Variants in BRD1 observed in about 807,000 individuals in gnomAD.
BRD1 encodes bromodomain-containing protein 1.
Under a neutral mutation model 107.7 loss-of-function variants are expected in BRD1, and 24 were observed. The observed-to-expected ratio is 0.22, with a 90% CI of 0.16 to 0.31. The LOEUF is 0.31. Among genes scored for constraint, BRD1 ranks in the 10% least tolerant of loss-of-function variants. BRD1 has a pLI of 1.00. For missense variants in BRD1, 1,279 were observed against 1,638.6 expected (o/e 0.78, Z 3.79); for synonymous variants, 744 against 686.1 (o/e 1.08, Z -1.32).
At chr22:49,821,012 T>C (rs960392299) in intron 2 of BRD1, 6 of 152,258 alleles carry the variant, frequency 3.9e-5, no homozygotes, top group African/African-American at 1.4e-4. Context: ...ATTCCCAAGT[T>C]AGGAAAAGAA....
At chr22:49,800,064 G>A (rs190132044) in intron 3 of BRD1, among the ~76,000 whole-genome samples, 35 of 152,292 alleles carry the variant, frequency 2.3e-4, no homozygotes, top group Non-Finnish European at 4.0e-4. Context: ...TCTGGCACAT[G>A]CTTCACAGCC....
In BRD1 at chr22:49,792,177, TA is replaced by T. The variant is rs138847; in HGVS notation, c.2359+1856del. Among the ~76,000 whole-genome samples the T allele has an allele frequency of 0.38, 55,964 of 146,006 alleles. 14,501 individuals carry two copies. The highest frequency in any genetic ancestry group is 0.75 in the African/African-American group (30,501 of 40,814). On this transcript the variant is annotated intron_variant, in intron 7 of 12. Coordinates refer to ENST00000404760, the MANE Select transcript of BRD1 (RefSeq NM_001304808.3). This position sits in a 1 kb window ranked among gnomAD's most constrained non-coding sequence, Gnocchi z 4.2. ...CAATGGCAATGGAGGAAGCCACTGA[TA>T]AAAAAAAAAAGCTAAAAAGGTAACT... is the stretch of plus-strand genomic sequence containing the variant.
At chr22:49,788,855 AT>A (rs1465198052) in intron 7 of BRD1, among the ~76,000 whole-genome samples, 1 of 152,220 alleles carries the variant, frequency 6.6e-6, no homozygotes, top group Non-Finnish European at 1.5e-5. Flanking sequence ...CTTAGTATAT[AT>A]TATCACTGGG....
chr22:49,793,959 G>A lies in BRD1; in HGVS notation c.2359+75C>T, dbSNP rs1249793704. The A allele has an allele frequency of 2.6e-6, 4 of 1,533,358 alleles. No homozygotes were observed. In the Admixed American group the frequency reaches 5.8e-5, roughly 22 times the overall value. The allele number at this position is 1,533,358 out of a possible 1,614,324, so 95.0% of individuals were successfully genotyped here. On this transcript the variant is annotated intron_variant, in intron 7 of 12. Transcript: ENST00000404760. The stretch of plus-strand genomic sequence containing the variant: ...CACACCAACGCTGCTGCCCGTGTCT[G>A]GGTCTGTGCCTGTGCCTGTGCCTGA...
intron 12 of BRD1, among the ~76,000 whole-genome samples, chr22:49,774,818 A>G (rs1327235090): frequency 6.6e-6 from 1 of 152,262 alleles, no homozygotes; most frequent in East Asian, 1.9e-4. Context: ...CCTGACAAGA[A>G]GCAGTGGCCA....
intron 2 of BRD1, among the ~76,000 whole-genome samples, chr22:49,820,148 A>T (rs2060037839): frequency 6.6e-6 from 1 of 152,222 alleles, no homozygotes; most frequent in Admixed American, 6.5e-5. Context: ...GGGGGGAAAA[A>T]AAAGAACTAT....
At chr22:49,826,771 G>A (rs568514933) in intron 1 of BRD1, among the ~76,000 whole-genome samples, 1 of 152,332 alleles carries the variant, frequency 6.6e-6, no homozygotes, top group East Asian at 1.9e-4. Context: ...CTCAAAAACA[G>A]ACACGGGCGG....
Position 49,785,725 on chromosome 22 carries a change from G to C in BRD1, c.2857+1665C>G, listed in dbSNP as rs1297522875. 2.6e-5 allele frequency among the ~76,000 whole-genome samples: 4 copies of C among 152,202 alleles called. No homozygotes were observed. In the East Asian group the frequency reaches 7.7e-4, roughly 29 times the overall value. On this transcript the variant is annotated intron_variant, in intron 8 of 12. Transcript: ENST00000404760. Reference sequence around the variant, plus strand: ...TTAACATCAATCCATCAAAGTAAAAGGACATGGGTAGAAAATTTCTACACA... The same window carrying C: ...TTAACATCAATCCATCAAAGTAAAACGACATGGGTAGAAAATTTCTACACA...
intron 3 of BRD1, among the ~76,000 whole-genome samples, 178 bp from the exon 4 acceptor site, chr22:49,799,297 G>C (rs1569113570): frequency 7.1e-6 from 1 of 140,562 alleles, no homozygotes; most frequent in Admixed American, 7.1e-5. Flanking sequence ...GGGACAGAGG[G>C]GACAGAGGAG....
At position 49,823,319 on chromosome 22, in the gene BRD1, C is replaced by T. The variant is rs1391461485; in HGVS notation, c.999G>A (p.Lys333=). 3 of 1,614,086 alleles carry T rather than the reference C, an allele frequency of 1.9e-6. No homozygotes were observed. The highest frequency in any genetic ancestry group is 1.3e-5 in the African/African-American group (1 of 74,950). ...WKLTCYLCKQ[K]GVGACIQCHK... ...GGCACTGGATGCAGGCACCCACGCC[C>T]TTCTGCTTACAGAGGTAGCATGTCA... The change falls in exon 2 of 13, where the codon AAG becomes AAA. Residue 333 remains lysine, a synonymous_variant. Coordinates refer to ENST00000404760, the MANE Select transcript of BRD1 (RefSeq NM_001304808.3).
At chr22:49,812,596 G>A (rs143376945) in intron 2 of BRD1, among the ~76,000 whole-genome samples, 1 of 152,260 alleles carries the variant, frequency 6.6e-6, no homozygotes, top group Non-Finnish European at 1.5e-5. Flanking sequence ...GTCTTACATG[G>A]GCAGCAAACT....
rs748566281 is a variant in BRD1 at position 49,797,983 on chromosome 22, C to T, written c.1920G>A (p.Lys640=). Residue 640 remains lysine (K), a synonymous_variant, in exon 6 of 13, where the codon AAG becomes AAA. Transcript: ENST00000404760. The stretch of plus-strand genomic sequence containing the variant: ...AGAACACGGTGTCCCTGGCATTGTA[C>T]TTCATGCAGTTATCTATAATGAGAT... ...DFDLIIDNCM[K]YNARDTVFYR... 1.9e-6 allele frequency: 3 copies of T among 1,614,236 alleles called. No homozygotes were observed. Among genetic ancestry groups the T allele is most frequent in the East Asian group, 2.2e-5 (1 of 44,894 alleles).
Position 49,787,574 on chromosome 22 carries a change from T to C in BRD1, c.2673A>G (p.Val891=), listed in dbSNP as rs2059354449. 5 of 1,574,608 alleles carry C rather than the reference T, an allele frequency of 3.2e-6. No homozygotes were observed. Among genetic ancestry groups the C allele is most frequent in the South Asian group, 2.3e-5 (2 of 86,932 alleles). ...TGTTCTTGGCAGACTTTGGGGGGCT[T>C]ACACTTTTCGATTTGCAGAAGAGAA... The part of the protein sequence containing the change: ...TSVLFCKSKS[V]SPPKSAKNTE... Residue 891 remains valine, a synonymous_variant, in exon 8 of 13, where the codon GTA becomes GTG. Coordinates refer to ENST00000404760, the MANE Select transcript of BRD1 (RefSeq NM_001304808.3).
intron 7 of BRD1, 127 bp from the exon 8 acceptor site, chr22:49,788,014 T>G (rs1260816429): frequency 2.0e-6 from 2 of 982,138 alleles, no homozygotes; most frequent in Non-Finnish European, 2.9e-6. Context: ...TCGCATGTAC[T>G]GTCTGCTCGG....
chr22:49,813,626 G>A (rs1274632337), intron 2 of BRD1, among the ~76,000 whole-genome samples: 1 of 151,646 alleles, frequency 6.6e-6, no homozygotes, highest in African/African-American at 2.4e-5. Flanking sequence ...GAGGTCAAGA[G>A]TTCGAGACCA....
rs1489553199 is a variant in BRD1, at chr22:49,803,915, G to A, written c.1524+289C>T. Among the ~76,000 whole-genome samples, 2 of 152,224 alleles carry A rather than the reference G, an allele frequency of 1.3e-5. No individual in the cohort carries two copies. The highest frequency in any genetic ancestry group is 1.9e-4 in the East Asian group (1 of 5,194). ...TGAGCATCCCCAGTCCCCAGAGCTG[G>A]CCACTGCCCATCAGCGTGTGTGCGG... On this transcript the variant is annotated intron_variant, in intron 3 of 12. Transcript: ENST00000404760. The surrounding 1 kb of genome is among the most constrained non-coding windows in gnomAD (Gnocchi z 4.4).
intron 3 of BRD1, among the ~76,000 whole-genome samples, chr22:49,802,976 C>T (rs1465196883): frequency 6.6e-6 from 1 of 152,242 alleles, no homozygotes; most frequent in South Asian, 2.1e-4. Context: ...CCCGGGGAGC[C>T]CCAAGTTCCA....
chr22:49,777,653 G>GGAAGCGCAGGGCCGCGGTGC, intron 9 of BRD1, 25 bp downstream of exon 9: 2 of 1,596,296 alleles, frequency 1.3e-6, no homozygotes, highest in Non-Finnish European at 1.7e-6. Flanking sequence ...CTGCGTGGTG[G>GGAAGCGCAGGGCCGCGGTGC]GAAGCGCAGG....
intron 8 of BRD1, among the ~76,000 whole-genome samples, chr22:49,785,334 G>A (rs527789313): frequency 5.3e-5 from 8 of 152,372 alleles, no homozygotes; most frequent in Admixed American, 4.6e-4. Context: ...CCCACGGCCG[G>A]CAGGGCCTCC....
Sources: gnomAD v4.1 joint callset for allele counts (sites outside exome capture counted in the v4.1 genomes callset) on GRCh38, gnomAD v4.1.1 for gene constraint, Gnocchi (gnomAD v3.1) non-coding constraint, MANE v1.5 for transcripts, NCBI Gene and HGNC (gene_info 2026-07-23, HGNC 2026-07-21) for gene names.